KYAT1: variants seen among roughly 807,000 people sequenced by gnomAD.
The protein encoded by KYAT1 is kynurenine aminotransferase 1.
Under a neutral mutation model 52.4 loss-of-function variants are expected in KYAT1, and 47 were observed. That is an observed-to-expected ratio of 0.90 (90% CI 0.71 to 1.14). The LOEUF is 1.14. Ranked by LOEUF, KYAT1 falls within the 50% of genes most tolerant of loss-of-function variation. The pLI is 0.00. For missense variants in KYAT1, 480 were observed against 557.9 expected (o/e 0.86, Z 1.41); for synonymous variants, 212 against 209.6 (o/e 1.01, Z -0.10).
intron 1 of KYAT1, among the ~76,000 whole-genome samples, chr9:128,879,165 C>T (rs1838448175): frequency 6.6e-6 from 1 of 152,162 alleles, no homozygotes; most frequent in Admixed American, 6.6e-5. Flanking sequence ...AAAAAATTAG[C>T]CAGGCGTGGT....
chr9:128,835,306 GC>G lies in KYAT1; in HGVS notation c.1122+16del. On this transcript the variant is annotated intron_variant, in intron 11 of 12. Transcript: ENST00000302586. ...CTGTGAAACCATACATGGCTGCCTG[GC>G]AGAGGCCCAGCCCACCTTGTTCTTG... 1 of 1,607,640 alleles carries G rather than the reference GC, an allele frequency of 6.2e-7. No individual in the cohort carries two copies. The highest frequency in any genetic ancestry group is 8.5e-7 in the Non-Finnish European group (1 of 1,174,540).
intron 1 of KYAT1, among the ~76,000 whole-genome samples, chr9:128,873,632 G>C (rs1309555208): frequency 6.6e-6 from 1 of 151,882 alleles, no homozygotes; most frequent in Non-Finnish European, 1.5e-5. Flanking sequence ...AAAATTAGCT[G>C]GGTGTAGTGG....
Position 128,845,291 on chromosome 9 carries a change from C to G in KYAT1, c.53+62G>C, listed in dbSNP as rs184270214. On this transcript the variant is annotated intron_variant, in intron 2 of 12. Coordinates refer to ENST00000302586, the MANE Select transcript of KYAT1 (RefSeq NM_004059.5). The stretch of plus-strand genomic sequence containing the variant: ...GAGTACTACTGAGTTGCTGTAAACC[C>G]AGGGATGGCCAACCCATGCCCGAGG... The G allele has an allele frequency of 2.5e-5, 36 of 1,436,178 alleles. No homozygotes were observed. The East Asian group carries it at 7.7e-4, about 31-fold the overall frequency. The allele number at this position is 1,436,178 out of a possible 1,614,324, so 89.0% of individuals were successfully genotyped here.
chr9:128,849,904 A>C, intron 1 of KYAT1, among the ~76,000 whole-genome samples: 1 of 50,514 alleles, frequency 2.0e-5, no homozygotes, highest in African/African-American at 5.6e-5. Context: ...TTTTTTTTTG[A>C]GATAGGGTCT....
chr9:128,879,651 G>T (rs1838527782), intron 1 of KYAT1, among the ~76,000 whole-genome samples: 1 of 152,186 alleles, frequency 6.6e-6, no homozygotes, highest in South Asian at 2.1e-4. Flanking sequence ...CAGGGTAGGA[G>T]CCCATCTCTC....
intron 1 of KYAT1, among the ~76,000 whole-genome samples, chr9:128,865,349 A>T (rs1266039211): frequency 0.15 from 635 of 4,166 alleles, 83 homozygotes; most frequent in African/African-American, 0.27. Context: ...ATATATATAT[A>T]TATATATATA....
intron 1 of KYAT1, among the ~76,000 whole-genome samples, chr9:128,868,296 G>A (rs1263563757): frequency 1.3e-5 from 2 of 150,888 alleles, no homozygotes; most frequent in Non-Finnish European, 2.9e-5. Context: ...CTGAGTAGCT[G>A]GAACTATAGG....
intron 1 of KYAT1, among the ~76,000 whole-genome samples, chr9:128,857,680 C>CA (rs1410216726): frequency 6.6e-6 from 1 of 152,022 alleles, no homozygotes; most frequent in Non-Finnish European, 1.5e-5. Context: ...ACTAAAAATA[C>CA]AAAAAATTAG....
intron 1 of KYAT1, among the ~76,000 whole-genome samples, chr9:128,872,636 A>G (rs1013926767): frequency 6.7e-6 from 1 of 149,230 alleles, no homozygotes; most frequent in Non-Finnish European, 1.5e-5. Flanking sequence ...GAATGGTGGC[A>G]CTCACCTGTA....
intron 3 of KYAT1, chr9:128,842,068 T>C: frequency 3.3e-6 from 1 of 302,516 alleles, no homozygotes; most frequent in Admixed American, 3.7e-5. Flanking sequence ...GATGCACACC[T>C]GTAGTCCCAG....
chr9:128,873,384 A>G (rs1837519534), intron 1 of KYAT1, among the ~76,000 whole-genome samples: 1 of 151,900 alleles, frequency 6.6e-6, no homozygotes, highest in African/African-American at 2.4e-5. Context: ...AAAACTAATA[A>G]GAACTTAGTA....
intron 1 of KYAT1, among the ~76,000 whole-genome samples, chr9:128,854,482 T>G (rs911668166): frequency 1.3e-5 from 2 of 152,132 alleles, no homozygotes; most frequent in Admixed American, 1.3e-4. Context: ...CCAGTTTGGG[T>G]ACCTACAACT....
In KYAT1 at chr9:128,876,718, C is replaced by CT. The variant is rs768971202; in HGVS notation, c.-7+5178dup. On this transcript the variant is annotated intron_variant, in intron 1 of 12. Transcript: ENST00000302586. ...ACAGGCATGAGCCACGGCACCCGGC[C>CT]TTTTTTTTTTTTTTTTCTTGAGATA... 7.9e-3 allele frequency among the ~76,000 whole-genome samples: 1,080 copies of CT among 136,914 alleles called. 7 individuals are homozygous for CT. The highest frequency in any genetic ancestry group is 0.016 in the African/African-American group (614 of 37,614). The allele number at this position is 136,914 out of a possible 152,430, so 89.8% of individuals were successfully genotyped here.
intron 1 of KYAT1, among the ~76,000 whole-genome samples, chr9:128,849,209 C>T (rs988876459): frequency 4.7e-5 from 7 of 148,942 alleles, no homozygotes; most frequent in East Asian, 2.0e-4. Context: ...GTCAGGAGTT[C>T]GATACCAGCC....
intron 3 of KYAT1, among the ~76,000 whole-genome samples, chr9:128,839,748 T>A (rs1314874446): frequency 6.6e-6 from 1 of 152,188 alleles, no homozygotes; most frequent in Non-Finnish European, 1.5e-5. Context: ...AATATAAAAA[T>A]TTTCTGTACA....
intron 1 of KYAT1, among the ~76,000 whole-genome samples, chr9:128,845,683 A>C (rs1213143090): frequency 6.6e-6 from 1 of 152,214 alleles, no homozygotes; most frequent in Non-Finnish European, 1.5e-5. Context: ...GGAGACTTCC[A>C]GCCCTGGCTC....
At chr9:128,846,538 G>A in intron 1 of KYAT1, 1 of 558,274 alleles carries the variant, frequency 1.8e-6, no homozygotes, top group Non-Finnish European at 3.1e-6. Flanking sequence ...GATGGAGATT[G>A]CAGTGGGCCA....
chr9:128,837,926 T>C (rs1318882417), intron 5 of KYAT1, 113 bp from the exon 6 acceptor site: 1 of 1,479,300 alleles, frequency 6.8e-7, no homozygotes, highest in Non-Finnish European at 9.4e-7. Flanking sequence ...ACACCTCCCC[T>C]CTGCCCTCCC....
intron 1 of KYAT1, among the ~76,000 whole-genome samples, chr9:128,866,905 CAAA>C (rs536684198): frequency 6.7e-5 from 7 of 105,096 alleles, no homozygotes; most frequent in African/African-American, 1.1e-4. Context: ...GACTCTGTCT[CAAA>C]AAAAAAAAAA....
Sources: gnomAD v4.1 joint callset for allele counts (sites outside exome capture counted in the v4.1 genomes callset) on GRCh38, gnomAD v4.1.1 for gene constraint, MANE v1.5 for transcripts, NCBI Gene and HGNC (gene_info 2026-07-23, HGNC 2026-07-21) for gene names.